The following DNAAF4 variants were observed in gnomAD, a reference collection of about 807,000 sequenced individuals.
DNAAF4 encodes dynein axonemal assembly factor 4, also known as dynein assembly factor 4, axonemal.
In DNAAF4, 43 loss-of-function variants were observed where a neutral mutation model predicts 51.8. That is an observed-to-expected ratio of 0.83 (90% CI 0.65 to 1.07). The LOEUF is 1.07. Among genes scored for constraint, DNAAF4 ranks in the 50% least tolerant of loss-of-function variants. DNAAF4 has a pLI of 0.00. For synonymous variants in DNAAF4, 194 were observed against 165.6 expected (o/e 1.17, Z -1.32); for missense variants, 581 against 493.0 (o/e 1.18, Z -1.69).
intron 7 of DNAAF4, chr15:55,418,465 T>G (rs746534635): frequency 6.6e-7 from 1 of 1,525,270 alleles, no homozygotes; most frequent in South Asian, 1.2e-5. Context: ...AGCAAGTATT[T>G]TCAAGCCATA....
At chr15:55,493,517 A>G (rs571489742) in intron 3 of DNAAF4, among the ~76,000 whole-genome samples, 4 of 152,188 alleles carry the variant, frequency 2.6e-5, no homozygotes, top group Non-Finnish European at 4.4e-5. Flanking sequence ...TAACTTCCCA[A>G]ATGAAATACT....
At chr15:55,448,838 C>T (rs2057884570) in intron 6 of DNAAF4, among the ~76,000 whole-genome samples, 1 of 150,868 alleles carries the variant, frequency 6.6e-6, no homozygotes, top group South Asian at 2.1e-4. Flanking sequence ...CCACTGCACT[C>T]CAGCCTAGGG....
intron 3 of DNAAF4, among the ~76,000 whole-genome samples, chr15:55,494,140 C>CT (rs1284323243): frequency 2.0e-5 from 3 of 151,644 alleles, no homozygotes; most frequent in Non-Finnish European, 4.4e-5. Flanking sequence ...AGTGATTCTC[C>CT]TGCCTCAGCC....
At chr15:55,474,309 G>C (rs2058306834) in intron 4 of DNAAF4, among the ~76,000 whole-genome samples, 3 of 152,192 alleles carry the variant, frequency 2.0e-5, no homozygotes, top group Admixed American at 1.3e-4. Context: ...GCCGAGGTGG[G>C]CAGATCATGA....
chr15:55,445,672 G>A (rs1706018761), intron 6 of DNAAF4, among the ~76,000 whole-genome samples: 1 of 149,982 alleles, frequency 6.7e-6, no homozygotes, highest in South Asian at 2.1e-4. Context: ...TGGCCAGGCA[G>A]AGGCGCTCCT....
chr15:55,439,681 T>C, intron 6 of DNAAF4, 100 bp from the exon 7 acceptor site: 3 of 1,022,248 alleles, frequency 2.9e-6, no homozygotes, highest in Non-Finnish European at 4.3e-6. Flanking sequence ...TGAAATATTA[T>C]TTGCTATGCA....
At chr15:55,441,641 C>T (rs914202941) in intron 6 of DNAAF4, among the ~76,000 whole-genome samples, 1 of 151,334 alleles carries the variant, frequency 6.6e-6, no homozygotes, top group Non-Finnish European at 1.5e-5. Context: ...TCAATTCCCA[C>T]CTATGAGTGA....
downstream of DNAAF4, among the ~76,000 whole-genome samples, chr15:55,425,832 C>A (rs151127667): frequency 3.9e-5 from 6 of 152,194 alleles, no homozygotes; most frequent in Non-Finnish European, 8.8e-5. Flanking sequence ...TATGGAAGGC[C>A]ACTGATTTGG....
intron 9 of DNAAF4, 56 bp downstream of exon 9, chr15:55,432,441 T>C (rs1595889183): frequency 7.2e-7 from 1 of 1,388,372 alleles, no homozygotes; most frequent in Non-Finnish European, 1.0e-6. Context: ...ATAATTCCAA[T>C]GACATTTTTT....
chr15:55,425,848 A>AC (rs1410163409), downstream of DNAAF4, among the ~76,000 whole-genome samples: 1 of 152,078 alleles, frequency 6.6e-6, no homozygotes, highest in Non-Finnish European at 1.5e-5. Flanking sequence ...TTTGGACTGA[A>AC]CCTCTTGCGC....
At chr15:55,463,313 A>AC (rs1474334949) in intron 5 of DNAAF4, among the ~76,000 whole-genome samples, 1 of 151,996 alleles carries the variant, frequency 6.6e-6, no homozygotes, top group African/African-American at 2.4e-5. Flanking sequence ...TCTTTGACAA[A>AC]CCCATGGCCA....
chr15:55,497,948 T>C (rs997407381), intron 2 of DNAAF4, 89 bp from the exon 3 acceptor site: 2 of 1,501,214 alleles, frequency 1.3e-6, no homozygotes, highest in African/African-American at 1.4e-5. Flanking sequence ...AAAATAACTT[T>C]CTAAAAGGCC....
chr15:55,498,900 A>C (rs2058675629), intron 1 of DNAAF4, among the ~76,000 whole-genome samples: 1 of 146,382 alleles, frequency 6.8e-6, no homozygotes, highest in South Asian at 2.2e-4. Flanking sequence ...AACAAGAGCG[A>C]AACTCCGTCT....
chr15:55,438,594 C>T (rs1457338316), intron 7 of DNAAF4, among the ~76,000 whole-genome samples: 1 of 151,780 alleles, frequency 6.6e-6, no homozygotes, highest in Non-Finnish European at 1.5e-5. Flanking sequence ...CCAGCTTGAC[C>T]AACATGGTGA....
rs138697313 is a variant in DNAAF4, at chr15:55,497,839, T to C, written c.144A>G (p.Leu48=). Residue 48 remains leucine (L), a synonymous_variant, in exon 3 of 10, where the codon TTA becomes TTG. Coordinates refer to ENST00000321149, the MANE Select transcript of DNAAF4 (RefSeq NM_130810.4). ...NYLKVNFPPF[L]FEAFLYAPID... ...TGGGAGCATAAAGAAATGCCTCAAA[T>C]AAAAATGGAGGAAAGTTGACCTATG... 64 of 1,609,806 alleles carry C rather than the reference T, an allele frequency of 4.0e-5. No homozygotes were observed. The highest frequency in any genetic ancestry group is 5.3e-5 in the Non-Finnish European group (62 of 1,178,534).
chr15:55,471,157 A>C (rs2058249763), intron 4 of DNAAF4, among the ~76,000 whole-genome samples: 1 of 152,150 alleles, frequency 6.6e-6, no homozygotes, highest in African/African-American at 2.4e-5. Context: ...CAGTGGACCC[A>C]GCATGATTGA....
intron 1 of DNAAF4, among the ~76,000 whole-genome samples, chr15:55,504,454 G>A (rs890537205): frequency 6.6e-6 from 1 of 152,144 alleles, no homozygotes; most frequent in Non-Finnish European, 1.5e-5. Context: ...AAAAGAACCC[G>A]CATAGCCAAG....
chr15:55,456,917 C>G (rs1245039898), intron 5 of DNAAF4, among the ~76,000 whole-genome samples: 2 of 152,182 alleles, frequency 1.3e-5, no homozygotes, highest in Non-Finnish European at 2.9e-5. Context: ...CACAGAGGTC[C>G]TTGGAGACGG....
chr15:55,439,857 T>A (rs1399369958), intron 6 of DNAAF4, among the ~76,000 whole-genome samples: 1 of 152,084 alleles, frequency 6.6e-6, no homozygotes, highest in Non-Finnish European at 1.5e-5. Flanking sequence ...GAGAAAGAGA[T>A]CAGAGCTCCC....
Sources: gnomAD v4.1 joint callset for allele counts (sites outside exome capture counted in the v4.1 genomes callset) on GRCh38, gnomAD v4.1.1 for gene constraint, MANE v1.5 for transcripts, NCBI Gene and HGNC (gene_info 2026-07-23, HGNC 2026-07-21) for gene names.